The following TTC28 variants were observed in gnomAD, a reference collection of about 807,000 sequenced individuals.
The protein encoded by TTC28 is tetratricopeptide repeat protein 28.
Under a neutral mutation model 198.0 loss-of-function variants are expected in TTC28, and 61 were observed. The ratio of observed to expected loss-of-function variants is 0.31; its 90% confidence interval spans 0.25 to 0.38. TTC28 has a LOEUF of 0.38. Among genes scored for constraint, TTC28 ranks in the 10% least tolerant of loss-of-function variants. The pLI, the probability that TTC28 is intolerant of heterozygous loss-of-function variation, is 1.00. For synonymous variants in TTC28, 1,171 were observed against 1,297.8 expected (o/e 0.90, Z 2.10); for missense variants, 2,678 against 3,164.0 (o/e 0.85, Z 3.69).
chr22:28,658,178 A>T (rs1015924429), intron 1 of TTC28, among the ~76,000 whole-genome samples: 4 of 152,162 alleles, frequency 2.6e-5, no homozygotes, highest in African/African-American at 7.2e-5. Flanking sequence ...TTTTCAAAAA[A>T]TTTTTTGAGC....
chr22:28,409,285 A>T (rs981029756), intron 2 of TTC28, among the ~76,000 whole-genome samples: 2 of 152,166 alleles, frequency 1.3e-5, no homozygotes, highest in African/African-American at 4.8e-5. Flanking sequence ...AAGAAATTCA[A>T]CCCAGCAGTC....
At chr22:28,246,420 CT>C (rs894945955) in intron 5 of TTC28, among the ~76,000 whole-genome samples, 1 of 152,222 alleles carries the variant, frequency 6.6e-6, no homozygotes, top group African/African-American at 2.4e-5. Flanking sequence ...GACTCTAAGG[CT>C]TTTTTCTGGT....
intron 5 of TTC28, among the ~76,000 whole-genome samples, chr22:28,170,932 CAG>C (rs1285887437): frequency 6.6e-6 from 1 of 151,886 alleles, no homozygotes; most frequent in East Asian, 1.9e-4. Flanking sequence ...CCTCTCTGTG[CAG>C]AGAGATGCCA....
intron 2 of TTC28, among the ~76,000 whole-genome samples, chr22:28,556,632 C>A (rs185788615): frequency 6.6e-6 from 1 of 152,206 alleles, no homozygotes; most frequent in African/African-American, 2.4e-5. Flanking sequence ...CAAAACACAG[C>A]GGCTTAAAAC....
chr22:28,349,310 G>C (rs891403778), intron 2 of TTC28, among the ~76,000 whole-genome samples: 11 of 152,156 alleles, frequency 7.2e-5, no homozygotes, highest in African/African-American at 2.7e-4. Flanking sequence ...AGATGAAATT[G>C]TTATCTTAAC....
intron 2 of TTC28, among the ~76,000 whole-genome samples, chr22:28,496,630 T>C (rs1400072754): frequency 6.6e-6 from 1 of 152,020 alleles, no homozygotes; most frequent in African/African-American, 2.4e-5. Context: ...CTTGTCCAGG[T>C]CATCATCATA....
At chr22:28,031,542 T>C (rs1939076036) in intron 12 of TTC28, among the ~76,000 whole-genome samples, 8 of 152,138 alleles carry the variant, frequency 5.3e-5, no homozygotes. Flanking sequence ...GAATAAGGCT[T>C]GGTGCATACA....
intron 5 of TTC28, among the ~76,000 whole-genome samples, chr22:28,201,180 AATTC>A (rs375425536): frequency 3.0e-4 from 46 of 151,924 alleles, no homozygotes; most frequent in South Asian, 6.2e-4. Flanking sequence ...TCAATCTTAA[AATTC>A]ATTCATTCAT....
At chr22:28,422,492 G>T (rs566393455) in intron 2 of TTC28, among the ~76,000 whole-genome samples, 1 of 151,126 alleles carries the variant, frequency 6.6e-6, no homozygotes, top group African/African-American at 2.4e-5. Flanking sequence ...AGGCTGGAGT[G>T]CAGTGGCGCG....
chr22:28,598,616 CA>C (rs1398686209), intron 2 of TTC28, among the ~76,000 whole-genome samples: 1 of 140,024 alleles, frequency 7.1e-6, no homozygotes, highest in Non-Finnish European at 1.5e-5. Context: ...TTCTAACCAA[CA>C]AATAGTTACA....
At chr22:28,329,066 G>A (rs954211860) in intron 2 of TTC28, among the ~76,000 whole-genome samples, 1 of 152,022 alleles carries the variant, frequency 6.6e-6, no homozygotes, top group African/African-American at 2.4e-5. Flanking sequence ...TCTCAGGGTA[G>A]ATTGGTTCAA....
chr22:28,679,346 G>C (rs2052053293), intron 1 of TTC28, among the ~76,000 whole-genome samples: 1 of 152,162 alleles, frequency 6.6e-6, no homozygotes, highest in Non-Finnish European at 1.5e-5. Flanking sequence ...ATTAGGCGCT[G>C]ACTGTATACC....
chr22:27,994,859 G>A (rs960686331), intron 17 of TTC28, among the ~76,000 whole-genome samples: 2 of 152,190 alleles, frequency 1.3e-5, no homozygotes, highest in Admixed American at 6.5e-5. Flanking sequence ...CAGCAAGGAC[G>A]GAGGGACTTC....
intron 3 of TTC28, among the ~76,000 whole-genome samples, chr22:28,301,782 TCA>T (rs2045032775): frequency 6.6e-6 from 1 of 152,170 alleles, no homozygotes; most frequent in African/African-American, 2.4e-5. Context: ...GCATGGTGGC[TCA>T]CACCTGTAAT....
chr22:28,254,668 G>A (rs1930760825), intron 5 of TTC28, among the ~76,000 whole-genome samples: 1 of 152,088 alleles, frequency 6.6e-6, no homozygotes, highest in Non-Finnish European at 1.5e-5. Flanking sequence ...ACATATTAAT[G>A]TCAGATATAA....
chr22:28,600,866 T>C lies in TTC28; in HGVS notation c.381+28686A>G, dbSNP rs187692253. Among the ~76,000 whole-genome samples the C allele has an allele frequency of 7.2e-5, 11 of 152,336 alleles. No individual in the cohort carries two copies. The East Asian group carries it at 1.7e-3, about 24-fold the overall frequency. On this transcript the variant is annotated intron_variant, in intron 2 of 22. Transcript: ENST00000397906. The stretch of plus-strand genomic sequence containing the variant: ...TCTTCCTGCATGTACTTAAGGCCAA[T>C]TGTACTAAAAATATGTCCTTTTCTC...
intron 5 of TTC28, among the ~76,000 whole-genome samples, chr22:28,289,895 G>A (rs1487859524): frequency 2.0e-5 from 3 of 151,956 alleles, no homozygotes; most frequent in Non-Finnish European, 2.9e-5. Context: ...GTGGTGGTGC[G>A]CACCTGTAAT....
chr22:28,250,736 C>T (rs1204196326), intron 5 of TTC28, among the ~76,000 whole-genome samples: 1 of 152,114 alleles, frequency 6.6e-6, no homozygotes, highest in Non-Finnish European at 1.5e-5. Flanking sequence ...TTTATTTTTC[C>T]CTCAAATATC....
At chr22:28,002,148 A>G (rs1937725219) in intron 14 of TTC28, 1 of 155,406 alleles carries the variant, frequency 6.4e-6, no homozygotes. Flanking sequence ...TGAAAGGCCG[A>G]GCATGAGGAC....
Sources: gnomAD v4.1 joint callset for allele counts (sites outside exome capture counted in the v4.1 genomes callset) on GRCh38, gnomAD v4.1.1 for gene constraint, MANE v1.5 for transcripts, NCBI Gene and HGNC (gene_info 2026-07-23, HGNC 2026-07-21) for gene names.